AFF1: variants seen among roughly 807,000 people sequenced by gnomAD.
AFF1 encodes ALF transcription elongation factor 1.
In AFF1, 48 loss-of-function variants were observed where a neutral mutation model predicts 121.7. The ratio of observed to expected loss-of-function variants is 0.39; its 90% CI spans 0.31 to 0.50. AFF1 has a LOEUF of 0.50. Ranked by LOEUF, AFF1 falls within the 20% of genes least tolerant of loss-of-function variation. The probability of loss-of-function intolerance (pLI) is 0.76; values close to 1 mark genes in which losing one functional copy is unlikely to be tolerated. For synonymous variants in AFF1, 613 were observed against 563.0 expected (o/e 1.09, Z -1.26); for missense variants, 1,523 against 1,511.7 (o/e 1.01, Z -0.12).
intron 12 of AFF1, among the ~76,000 whole-genome samples, chr4:87,124,349 A>G (rs1445353921): frequency 6.6e-6 from 1 of 152,152 alleles, no homozygotes; most frequent in Non-Finnish European, 1.5e-5. Flanking sequence ...TTTTTGAAAA[A>G]TAAAAACATG....
chr4:86,953,403 T>A (rs1206154323), intron 2 of AFF1, among the ~76,000 whole-genome samples: 4 of 152,254 alleles, frequency 2.6e-5, no homozygotes, highest in African/African-American at 9.6e-5. Flanking sequence ...GTGTATTGAG[T>A]ACGCAGCTCT....
intron 4 of AFF1, among the ~76,000 whole-genome samples, chr4:87,072,616 G>A (rs1381415417): frequency 4.0e-5 from 6 of 151,038 alleles, no homozygotes; most frequent in African/African-American, 1.5e-4. Flanking sequence ...CCGCCTCCTA[G>A]GTTCAGCAAT....
chr4:86,952,912 G>T (rs1721468102), intron 2 of AFF1, among the ~76,000 whole-genome samples: 5 of 151,474 alleles, frequency 3.3e-5, no homozygotes, highest in Admixed American at 2.0e-4. Context: ...TCACCATATT[G>T]TCCAGGCTGG....
At chr4:86,993,700 C>T (rs745364132) in intron 2 of AFF1, among the ~76,000 whole-genome samples, 5 of 152,082 alleles carry the variant, frequency 3.3e-5, no homozygotes, top group Non-Finnish European at 5.9e-5. Flanking sequence ...CATGGTGGCT[C>T]ATGCCTGTAA....
chr4:87,047,103 G>T lies in AFF1; in HGVS notation c.568G>T (p.Gly190Ter), dbSNP rs148083475. 1.4e-5 allele frequency: 23 copies of T among 1,614,040 alleles called. No individual in the cohort carries two copies. The highest frequency in any genetic ancestry group is 1.9e-5 in the Non-Finnish European group (23 of 1,180,036). Residue 190 changes from glycine (G) to a stop codon, truncating the protein, a stop_gained, in exon 4 of 21, where the codon GGA (glycine) becomes TGA (stop). Coordinates refer to ENST00000395146, the MANE Select transcript of AFF1 (RefSeq NM_001166693.3). LOFTEE classifies it high-confidence loss of function. ...CAAGAAAGGTGACCGAAGAGCTGAC[G>T]GAGACCACTGTGCTTCGGTGACAGA... ...HHKKGDRRAD[G>*]DHCASVTDSA...
chr4:87,015,867 C>T (rs1011326718), intron 2 of AFF1, among the ~76,000 whole-genome samples: 6 of 152,192 alleles, frequency 3.9e-5, no homozygotes, highest in African/African-American at 1.4e-4. Flanking sequence ...TTGGTATTAT[C>T]CATGATCTTA....
At chr4:87,090,390 A>G (rs1724177488) in intron 6 of AFF1, among the ~76,000 whole-genome samples, 1 of 152,348 alleles carries the variant, frequency 6.6e-6, no homozygotes, top group South Asian at 2.1e-4. Flanking sequence ...TTTCTCGTTC[A>G]GAATTAGATA....
chr4:87,092,466 C>G (rs1014565459), intron 7 of AFF1, among the ~76,000 whole-genome samples: 2 of 152,106 alleles, frequency 1.3e-5, no homozygotes, highest in African/African-American at 2.4e-5. Flanking sequence ...AAAAACAAAA[C>G]TAAGAAATTT....
intron 12 of AFF1, among the ~76,000 whole-genome samples, chr4:87,118,650 C>A (rs748623755): frequency 3.3e-5 from 5 of 152,002 alleles, no homozygotes; most frequent in Non-Finnish European, 7.4e-5. Context: ...CCACTGTACC[C>A]AGCTAATTTA....
At chr4:86,949,869 G>T in intron 2 of AFF1, 2 of 1,614,070 alleles carry the variant, frequency 1.2e-6, no homozygotes, top group Non-Finnish European at 1.7e-6. Context: ...CAGGACACCA[G>T]CAGGAAGAGC....
At chr4:87,066,174 G>A (rs375641241) in intron 4 of AFF1, among the ~76,000 whole-genome samples, 36 of 152,296 alleles carry the variant, frequency 2.4e-4, no homozygotes, top group East Asian at 1.7e-3. Context: ...GGCCAAGATC[G>A]TGACATCCAT....
At chr4:87,126,934 T>C in intron 14 of AFF1, 92 bp from the exon 15 acceptor site, 1 of 1,077,070 alleles carries the variant, frequency 9.3e-7, no homozygotes, top group South Asian at 1.3e-5. Flanking sequence ...TTTTTGAAAC[T>C]ACTATTTCGG....
intron 11 of AFF1, among the ~76,000 whole-genome samples, chr4:87,110,451 G>A (rs140313026): frequency 3.5e-5 from 1 of 28,494 alleles, no homozygotes; most frequent in East Asian, 1.0e-3. Flanking sequence ...TTTTTGTTTT[G>A]TTTTGTTTTG....
intron 8 of AFF1, among the ~76,000 whole-genome samples, chr4:87,101,882 T>G (rs1473621492): frequency 1.3e-5 from 2 of 152,238 alleles, no homozygotes; most frequent in Non-Finnish European, 2.9e-5. Flanking sequence ...TGTAAATACT[T>G]TTTGGGTCTG....
intron 2 of AFF1, among the ~76,000 whole-genome samples, chr4:86,992,227 G>A (rs989425876): frequency 6.6e-6 from 1 of 152,164 alleles, no homozygotes; most frequent in Non-Finnish European, 1.5e-5. Context: ...GCATGACTGA[G>A]AAAATTGCCC....
At position 87,047,469 on chromosome 4, in the gene AFF1, A is replaced by AGTGAATCCCCTG; in HGVS notation, c.935_946dup (p.Pro315_Glu316insGlyGluSerPro). 2 of 1,614,192 alleles carry AGTGAATCCCCTG rather than the reference A, an allele frequency of 1.2e-6. No individual in the cohort carries two copies. The highest frequency in any genetic ancestry group is 2.2e-5 in the South Asian group (2 of 91,082). ...CATGGATGGTCAAGATCAGGCCCCT[A>AGTGAATCCCCTG]GTGAATCCCCTGAACTGAAACCACT... On this transcript the variant is annotated inframe_insertion, in exon 4 of 21. Coordinates refer to ENST00000395146, the MANE Select transcript of AFF1 (RefSeq NM_001166693.3).
rs1553918449 is a variant in AFF1 at position 87,022,580 on chromosome 4, A to ATC, written c.39-23585_39-23584insCT. Among the ~76,000 whole-genome samples the ATC allele has an allele frequency of 1.5e-3, 133 of 89,280 alleles. 1 individual carries two copies. The highest frequency in any genetic ancestry group is 8.5e-3 in the South Asian group (26 of 3,074). The allele number at this position is 89,280 out of a possible 152,430, so 58.6% of individuals were successfully genotyped here. On this transcript the variant is annotated intron_variant, in intron 2 of 20. Coordinates refer to ENST00000395146, the MANE Select transcript of AFF1 (RefSeq NM_001166693.3). ...TATATATATATATATATATATATAT[A>ATC]TATCTATCTATATCTATCTGTGTGT... is the stretch of plus-strand genomic sequence containing the variant.
chr4:87,084,572 A>ATAAG (rs1723517371), intron 5 of AFF1, among the ~76,000 whole-genome samples: 1 of 146,430 alleles, frequency 6.8e-6, no homozygotes, highest in Non-Finnish European at 1.5e-5. Context: ...AAATAAATAA[A>ATAAG]TAAATAAATA....
At chr4:87,079,723 T>A (rs912829086) in intron 4 of AFF1, among the ~76,000 whole-genome samples, 3 of 152,234 alleles carry the variant, frequency 2.0e-5, no homozygotes, top group African/African-American at 7.2e-5. Context: ...GTTTTATTTT[T>A]AAAATTATTT....
Sources: allele counts gnomAD v4.1 joint callset (sites outside exome capture counted in the v4.1 genomes callset), GRCh38; gene constraint gnomAD v4.1.1; transcripts MANE v1.5; gene names NCBI Gene and HGNC (gene_info 2026-07-23, HGNC 2026-07-21).